Variants in CRLF1 observed in about 807,000 individuals in gnomAD.
CRLF1 encodes the protein cytokine receptor like factor 1.
In CRLF1, 36 loss-of-function variants were observed where a neutral mutation model predicts 48.9. The ratio of observed to expected loss-of-function variants is 0.74; its 90% CI spans 0.56 to 0.97. CRLF1 has a LOEUF of 0.97. Ranked by LOEUF, CRLF1 falls within the 50% of genes least tolerant of loss-of-function variation. The pLI is 0.00. For missense variants in CRLF1, 534 were observed against 575.1 expected (o/e 0.93, Z 0.73); for synonymous variants, 256 against 253.4 (o/e 1.01, Z -0.10).
chr19:18,604,318 G>A (rs1976260968), intron 1 of CRLF1, among the ~76,000 whole-genome samples: 2 of 152,180 alleles, frequency 1.3e-5, no homozygotes, highest in South Asian at 2.1e-4. Flanking sequence ...AGGCGGGCCT[G>A]GACAGACCAA....
intron 1 of CRLF1, among the ~76,000 whole-genome samples, chr19:18,605,633 G>A (rs982933880): frequency 1.3e-5 from 2 of 152,258 alleles, no homozygotes; most frequent in African/African-American, 4.8e-5. Context: ...TGAGGGCGAG[G>A]GTGACGGGCC....
intron 6 of CRLF1, among the ~76,000 whole-genome samples, chr19:18,596,276 C>T (rs557621855): frequency 3.9e-5 from 6 of 152,280 alleles, no homozygotes; most frequent in African/African-American, 9.6e-5. Flanking sequence ...TGGTGTCTCA[C>T]ACCTGTAATC....
chr19:18,599,534 TAC>T (rs755421656), intron 2 of CRLF1, 29 bp downstream of exon 2: 1 of 1,611,486 alleles, frequency 6.2e-7, no homozygotes, highest in Non-Finnish European at 8.5e-7. Context: ...TCCCAAGAGC[TAC>T]CCCTGGGGTG....
chr19:18,595,242 G>A (rs1047909411), intron 6 of CRLF1, among the ~76,000 whole-genome samples: 4 of 152,336 alleles, frequency 2.6e-5, no homozygotes, highest in South Asian at 2.1e-4. Context: ...CCTCCCCTGC[G>A]GACGCAGCGG....
chr19:18,602,512 G>A (rs1293555269), intron 1 of CRLF1, among the ~76,000 whole-genome samples: 1 of 152,008 alleles, frequency 6.6e-6, no homozygotes, highest in African/African-American at 2.4e-5. Flanking sequence ...TAGCTACTTG[G>A]GAGGCTGAGG....
At chr19:18,595,089 A>ATG (rs1229372176) in intron 6 of CRLF1, among the ~76,000 whole-genome samples, 3 of 152,204 alleles carry the variant, frequency 2.0e-5, no homozygotes, top group Non-Finnish European at 4.4e-5. Flanking sequence ...CTGTCGGTCC[A>ATG]GCTGCCGGCT....
At chr19:18,594,859 G>C (rs1472415929) in intron 6 of CRLF1, among the ~76,000 whole-genome samples, 1 of 152,100 alleles carries the variant, frequency 6.6e-6, no homozygotes, top group Non-Finnish European at 1.5e-5. Context: ...AGATGGAGAC[G>C]CAGGGTGGGT....
chr19:18,603,579 A>G (rs1029356752), intron 1 of CRLF1, among the ~76,000 whole-genome samples: 2 of 152,198 alleles, frequency 1.3e-5, no homozygotes, highest in Non-Finnish European at 2.9e-5. Context: ...GGACTGCAGG[A>G]GGCAGGGGCA....
intron 6 of CRLF1, among the ~76,000 whole-genome samples, chr19:18,594,818 A>T (rs1976109608): frequency 6.6e-6 from 1 of 152,036 alleles, no homozygotes; most frequent in Non-Finnish European, 1.5e-5. Flanking sequence ...AGAAAGACGC[A>T]CGGATGAGAG....
chr19:18,605,164 C>T (rs1211015476), intron 1 of CRLF1, among the ~76,000 whole-genome samples: 2 of 151,912 alleles, frequency 1.3e-5, no homozygotes, highest in Non-Finnish European at 2.9e-5. Flanking sequence ...CCTACACCTT[C>T]GCCTGCTGCT....
At position 18,597,004 on chromosome 19, in the gene CRLF1, C is replaced by T. The variant is rs369142430; in HGVS notation, c.743G>A (p.Gly248Asp). 3 of 1,613,584 alleles carry T rather than the reference C, an allele frequency of 1.9e-6. No homozygotes were observed. The East Asian group carries it at 6.7e-5, about 36-fold the overall frequency. ...PPDVHVSRVGGLEDQLSVRWV... is the reference protein window; with the variant it reads ...PPDVHVSRVGDLEDQLSVRWV... ...GCGCACGCTCAGCTGGTCCTCCAGG[C>T]CCCCGACGCGGCTCACGTGCACGTC... is the stretch of plus-strand genomic sequence containing the variant. The change falls in exon 5 of 9, where the codon GGC (glycine) becomes GAC (aspartate). Residue 248 changes from glycine to aspartate, a missense_variant. Physicochemically the swap from Gly to Asp is moderately conservative, Grantham distance 94. Coordinates refer to ENST00000392386, the MANE Select transcript of CRLF1 (RefSeq NM_004750.5).
At chr19:18,603,352 T>C (rs1976244119) in intron 1 of CRLF1, among the ~76,000 whole-genome samples, 1 of 152,076 alleles carries the variant, frequency 6.6e-6, no homozygotes, top group African/African-American at 2.4e-5. Context: ...GAGACCTGAA[T>C]AAAGTAAGAG....
chr19:18,605,708 G>A (rs867242855), intron 1 of CRLF1, among the ~76,000 whole-genome samples: 1 of 152,206 alleles, frequency 6.6e-6, no homozygotes, highest in African/African-American at 2.4e-5. Context: ...ATACGGAGAC[G>A]TATCCTTGCG....
In CRLF1 at chr19:18,601,438, G is replaced by A. The variant is rs139673114; in HGVS notation, c.116-1592C>T. The stretch of plus-strand genomic sequence containing the variant: ...ATTACAGGCACACATCACCGTGCCC[G>A]GCTAATTTTTGTATTTTTAGTAGAG... On this transcript the variant is annotated intron_variant, in intron 1 of 8. Coordinates refer to ENST00000392386, the MANE Select transcript of CRLF1 (RefSeq NM_004750.5). 1.1e-3 allele frequency among the ~76,000 whole-genome samples: 161 copies of A among 152,192 alleles called. No individual in the cohort carries two copies. In the East Asian group the frequency reaches 0.017, roughly 16 times the overall value.
chr19:18,600,421 T>C (rs1384713357), intron 1 of CRLF1, among the ~76,000 whole-genome samples: 2 of 151,508 alleles, frequency 1.3e-5, no homozygotes. Flanking sequence ...CAGGCTGGAG[T>C]GCAGTGGCAC....
intron 1 of CRLF1, among the ~76,000 whole-genome samples, chr19:18,605,460 G>A (rs998302388): frequency 9.2e-5 from 14 of 152,352 alleles, no homozygotes; most frequent in African/African-American, 3.1e-4. Context: ...GATGGGGTGC[G>A]TGGAGTGACT....
chr19:18,599,499 GC>G, intron 2 of CRLF1, 65 bp downstream of exon 2: 1 of 1,601,924 alleles, frequency 6.2e-7, no homozygotes, highest in Non-Finnish European at 8.5e-7. Context: ...CACAATTCAT[GC>G]CTCACTCCAG....
At chr19:18,594,546 T>G in intron 6 of CRLF1, 112 bp from the exon 7 acceptor site, 1 of 799,776 alleles carries the variant, frequency 1.3e-6, no homozygotes. Flanking sequence ...GGAACCTCCC[T>G]CCCCGTTTCT....
At chr19:18,604,297 A>G (rs1380311577) in intron 1 of CRLF1, among the ~76,000 whole-genome samples, 2 of 152,018 alleles carry the variant, frequency 1.3e-5, no homozygotes, top group African/African-American at 4.8e-5. Context: ...TTGTAGGGGG[A>G]AGGCAAGGCC....
Sources: allele counts gnomAD v4.1 joint callset (sites outside exome capture counted in the v4.1 genomes callset), GRCh38; gene constraint gnomAD v4.1.1; transcripts MANE v1.5; gene names NCBI Gene and HGNC (gene_info 2026-07-23, HGNC 2026-07-21).